Variants in N4BP2 observed in about 807,000 individuals in gnomAD.
N4BP2 encodes NEDD4-binding protein 2.
A neutral mutation model predicts 152.8 loss-of-function variants in N4BP2; 91 were observed. That is an observed-to-expected ratio of 0.60 (90% confidence interval 0.50 to 0.71). N4BP2 has a LOEUF of 0.71. Ranked by LOEUF, N4BP2 falls within the 30% of genes least tolerant of loss-of-function variation. The probability of loss-of-function intolerance (pLI) is 0.00; values close to 1 mark genes in which losing one functional copy is unlikely to be tolerated. For missense variants in N4BP2, 1,923 were observed against 2,059.1 expected, an observed-to-expected ratio of 0.93 and a Z score of 1.28; for synonymous variants, 646 against 705.3, an observed-to-expected ratio of 0.92 and a Z score of 1.33.
chr4:40,121,738 C>T lies in N4BP2; in HGVS notation c.3627C>T (p.Val1209=), dbSNP rs1717940803. The T allele has an allele frequency of 1.9e-6, 3 of 1,613,894 alleles. No individual in the cohort carries two copies. The highest frequency in any genetic ancestry group is 2.7e-5 in the African/African-American group (2 of 74,926). ...GNSEQAEMRA[V]TPENHESMTS... ...CAGAGCAGGCGGAAATGAGAGCTGTCACTCCTGAAAACCATGAATCGATGA... is the reference window on the plus strand; with the variant it reads ...CAGAGCAGGCGGAAATGAGAGCTGTTACTCCTGAAAACCATGAATCGATGA... The change falls in exon 9 of 18, where the codon GTC becomes GTT. Residue 1209 remains valine (V), a synonymous_variant. Coordinates refer to ENST00000261435, the MANE Select transcript of N4BP2 (RefSeq NM_018177.6).
At chr4:40,114,103 G>A (rs1019388118) in intron 7 of N4BP2, among the ~76,000 whole-genome samples, 1 of 152,098 alleles carries the variant, frequency 6.6e-6, no homozygotes, top group African/African-American at 2.4e-5. Flanking sequence ...CTCCCACTAT[G>A]GCTATACTTT....
Position 40,144,875 on chromosome 4 carries a change from G to A in N4BP2, c.5143+75G>A, listed in dbSNP as rs1324978421. ...ATATTGGTATAGCTTGCAAATTCAG[G>A]AGAGTCTGAATATGCAGGCTGAGAA... On this transcript the variant is annotated intron_variant, in intron 16 of 17. Transcript: ENST00000261435. 3 of 1,220,472 alleles carry A rather than the reference G, an allele frequency of 2.5e-6. No individual in the cohort carries two copies. The African/African-American group carries it at 4.6e-5, about 19-fold the overall frequency. 75.6% of individuals were successfully genotyped at this position (1,220,472 alleles called of 1,614,324 possible).
the N4BP2 span, among the ~76,000 whole-genome samples, chr4:40,165,027 AT>A: frequency 2.6e-5 from 4 of 151,604 alleles, no homozygotes; most frequent in African/African-American, 4.8e-5. Flanking sequence ...ATAAAATTAT[AT>A]TTTTTTTCAA....
At chr4:40,072,161 G>T (rs1031850193) in intron 1 of N4BP2, among the ~76,000 whole-genome samples, 2 of 151,370 alleles carry the variant, frequency 1.3e-5, no homozygotes, top group Non-Finnish European at 2.9e-5. Flanking sequence ...TGCAATCTCC[G>T]CCTTCCGGGT....
chr4:40,144,799 AG>A lies in N4BP2; in HGVS notation c.5143+1del. Reference protein sequence around the residue: ...LMRVLEKKTEEFKQNGGKPYL... With the variant: ...LMRVLEKKTEXFKQNGGKPYL... The stretch of plus-strand genomic sequence containing the variant: ...TGAGAGTTTTAGAGAAGAAGACTGA[AG>A]GTAGGACTGTGGTAATCACAAGTTT... On this transcript the variant is annotated frameshift_variant and splice_region_variant, in exon 16 of 18. Coordinates refer to ENST00000261435, the MANE Select transcript of N4BP2 (RefSeq NM_018177.6). LOFTEE classifies it high-confidence loss of function. 6.2e-7 allele frequency: 1 copy of A among 1,603,300 alleles called. No individual in the cohort carries two copies. The highest frequency in any genetic ancestry group is 8.5e-7 in the Non-Finnish European group (1 of 1,175,024).
chr4:40,122,376 T>C, intron 9 of N4BP2, 67 bp downstream of exon 9: 2 of 1,155,438 alleles, frequency 1.7e-6, no homozygotes, highest in Non-Finnish European at 2.4e-6. Context: ...TTCTATTTTG[T>C]ATTTTTTTTT....
At chr4:40,075,864 T>C (rs1712676785) in intron 2 of N4BP2, among the ~76,000 whole-genome samples, 1 of 152,238 alleles carries the variant, frequency 6.6e-6, no homozygotes, top group African/African-American at 2.4e-5. Context: ...TTTTGCTTTG[T>C]TGCCCAGGCT....
At chr4:40,069,047 G>T (rs941244343) in intron 1 of N4BP2, among the ~76,000 whole-genome samples, 1 of 152,088 alleles carries the variant, frequency 6.6e-6, no homozygotes, top group Admixed American at 6.6e-5. Context: ...TTGAACCTGG[G>T]AGGCAGATGT....
the N4BP2 span, among the ~76,000 whole-genome samples, chr4:40,174,780 C>T: frequency 1.2e-4 from 18 of 151,514 alleles, no homozygotes; most frequent in African/African-American, 2.7e-4. Context: ...CCAGTCTGGG[C>T]GACAGAGTGA....
chr4:40,185,004 T>C, the N4BP2 span, among the ~76,000 whole-genome samples: 1 of 151,966 alleles, frequency 6.6e-6, no homozygotes, highest in Non-Finnish European at 1.5e-5. Flanking sequence ...TAAATTGGGA[T>C]TTTACTGTAC....
chr4:40,095,021 T>A (rs899667733), intron 2 of N4BP2, among the ~76,000 whole-genome samples: 4 of 152,110 alleles, frequency 2.6e-5, no homozygotes, highest in African/African-American at 9.7e-5. Context: ...TAAGTGATCC[T>A]CCTGCCCATT....
chr4:40,068,098 T>C (rs1711737643), intron 1 of N4BP2, among the ~76,000 whole-genome samples: 1 of 152,250 alleles, frequency 6.6e-6, no homozygotes, highest in African/African-American at 2.4e-5. Context: ...CATATACTTG[T>C]TGGCCATGTG....
At chr4:40,104,399 C>G (rs1167035146) in intron 4 of N4BP2, among the ~76,000 whole-genome samples, 1 of 110,876 alleles carries the variant, frequency 9.0e-6, no homozygotes, top group Non-Finnish European at 1.8e-5. Context: ...CCTTCATAAA[C>G]TTATTTTTAG....
rs185600487 is a variant in N4BP2, at chr4:40,065,866, C to T, written c.-211-7589C>T. On this transcript the variant is annotated intron_variant, in intron 1 of 17. Transcript: ENST00000261435. ...CATGGATATGATACATGCGCAGTTACTGGGGAGTACAAGTATCTAGTAGAG... is the reference window on the plus strand; with the variant it reads ...CATGGATATGATACATGCGCAGTTATTGGGGAGTACAAGTATCTAGTAGAG... Among the ~76,000 whole-genome samples, 10 of 151,790 alleles carry T rather than the reference C, an allele frequency of 6.6e-5. No individual in the cohort carries two copies. In the East Asian group the frequency reaches 1.5e-3, roughly 24 times the overall value.
the N4BP2 span, among the ~76,000 whole-genome samples, chr4:40,181,859 C>G: frequency 2.8e-3 from 422 of 152,270 alleles, 2 homozygotes; most frequent in African/African-American, 8.1e-3. Flanking sequence ...TGAGGCATGA[C>G]AATTGCTTGA....
chr4:40,120,545 T>C lies in N4BP2; in HGVS notation c.2434T>C (p.Ser812Pro). The change falls in exon 9 of 18, where the codon TCC (serine) becomes CCC (proline). Residue 812 changes from serine (S) to proline (P), a missense_variant. By Grantham distance (74) the Ser-to-Pro change is moderately conservative. Transcript: ENST00000261435. Reference protein sequence around the residue: ...KRNRKTEKTSSVQSDKKYNYP... With the variant: ...KRNRKTEKTSPVQSDKKYNYP... Reference sequence around the variant, plus strand: ...GAACAGAAAAACTGAAAAAACTTCATCCGTACAAAGCGACAAAAAGTATAA... The same window carrying C: ...GAACAGAAAAACTGAAAAAACTTCACCCGTACAAAGCGACAAAAAGTATAA... The C allele has an allele frequency of 6.2e-7, 1 of 1,613,874 alleles. No homozygotes were observed. Among genetic ancestry groups the C allele is most frequent in the Non-Finnish European group, 8.5e-7 (1 of 1,179,972 alleles).
At chr4:40,115,431 G>C (rs1717253634) in intron 7 of N4BP2, among the ~76,000 whole-genome samples, 2 of 152,176 alleles carry the variant, frequency 1.3e-5, no homozygotes, top group Non-Finnish European at 2.9e-5. Flanking sequence ...GGGAGGTCGA[G>C]GCTGTGATGA....
chr4:40,086,051 T>C (rs58496143), intron 2 of N4BP2, among the ~76,000 whole-genome samples: 20 of 149,076 alleles, frequency 1.3e-4, no homozygotes, highest in African/African-American at 4.9e-4. Flanking sequence ...CTGCAACCTC[T>C]CTGCCTGCTG....
intron 2 of N4BP2, among the ~76,000 whole-genome samples, chr4:40,088,803 T>TCAC (rs1474110230): frequency 6.6e-6 from 1 of 152,192 alleles, no homozygotes; most frequent in Non-Finnish European, 1.5e-5. Context: ...CCTGACCTCA[T>TCAC]TAGAGTTTTA....
Sources: gnomAD v4.1 joint callset for allele counts (sites outside exome capture counted in the v4.1 genomes callset) on GRCh38, gnomAD v4.1.1 for gene constraint, MANE v1.5 for transcripts, NCBI Gene and HGNC (gene_info 2026-07-23, HGNC 2026-07-21) for gene names.